The following XYLB variants were observed in gnomAD, a reference collection of about 807,000 sequenced individuals.
The protein encoded by XYLB is xylulose kinase.
In XYLB, 62 loss-of-function variants were observed where a neutral mutation model predicts 78.7. The observed-to-expected ratio is 0.79, with a 90% CI of 0.64 to 0.97. The LOEUF (loss-of-function observed/expected upper bound fraction) is 0.97. Ranked by LOEUF, XYLB falls within the 50% of genes least tolerant of loss-of-function variation. The pLI, the probability that XYLB is intolerant of heterozygous loss-of-function variation, is 0.00. For synonymous variants in XYLB, 245 were observed against 247.4 expected (o/e 0.99, Z 0.09); for missense variants, 687 against 676.8 (o/e 1.02, Z -0.17).
downstream of XYLB, among the ~76,000 whole-genome samples, chr3:38,416,126 A>G (rs1256194645): frequency 6.6e-6 from 1 of 152,248 alleles, no homozygotes; most frequent in Non-Finnish European, 1.5e-5. Context: ...GTGGGGACAG[A>G]AAGCCTAATC....
chr3:38,398,373 C>T (rs1022185291), intron 17 of XYLB, among the ~76,000 whole-genome samples: 1 of 151,636 alleles, frequency 6.6e-6, no homozygotes, highest in African/African-American at 2.4e-5. Context: ...GAGGCTGAGG[C>T]AGGAGAATCG....
chr3:38,360,316 T>A, intron 2 of XYLB, 23 bp from the exon 3 acceptor site: 1 of 1,611,848 alleles, frequency 6.2e-7, no homozygotes, highest in Non-Finnish European at 8.5e-7. Flanking sequence ...GGCTCTGGTC[T>A]ACATTCTCTG....
exon 18 of XYLB, among the ~76,000 whole-genome samples, chr3:38,420,200 T>C (rs1244968665): frequency 6.6e-6 from 1 of 152,236 alleles, no homozygotes; most frequent in Non-Finnish European, 1.5e-5. Context: ...TTTGTATTAG[T>C]AGGATATGTA....
chr3:38,346,864 A>G lies in XYLB; in HGVS notation c.-5A>G, dbSNP rs1211635405. Reference sequence around the variant, plus strand: ...TGACGGACGCGCAGCCTTACCCGAAAGGCCATGGCGGAGCACGCCCCTCGC... The same window carrying G: ...TGACGGACGCGCAGCCTTACCCGAAGGGCCATGGCGGAGCACGCCCCTCGC... On this transcript the variant is annotated 5_prime_UTR_variant, in exon 1 of 19. Transcript: ENST00000207870. 1.3e-5 allele frequency: 20 copies of G among 1,516,798 alleles called. No homozygotes were observed. The highest frequency in any genetic ancestry group is 1.8e-5 in the Non-Finnish European group (20 of 1,134,926). The allele number at this position is 1,516,798 out of a possible 1,614,324, so 94.0% of individuals were successfully genotyped here.
At chr3:38,421,951 A>G (rs1472452588), downstream of XYLB, among the ~76,000 whole-genome samples, 3 of 152,230 alleles carry the variant, frequency 2.0e-5, no homozygotes, top group Non-Finnish European at 4.4e-5. Context: ...GGAATCCAGC[A>G]AGCTAGACAA....
intron 13 of XYLB, 107 bp from the exon 14 acceptor site, chr3:38,376,811 G>C (rs1185527523): frequency 2.7e-6 from 2 of 750,918 alleles, no homozygotes; most frequent in Non-Finnish European, 4.3e-6. Flanking sequence ...GAAAGAGCCA[G>C]GGGACCCAGG....
At chr3:38,401,613 T>C (rs1186752747) in intron 18 of XYLB, among the ~76,000 whole-genome samples, 1 of 152,156 alleles carries the variant, frequency 6.6e-6, no homozygotes, top group African/African-American at 2.4e-5. Flanking sequence ...CTTTAGAGTT[T>C]TACCCAGTTG....
chr3:38,394,736 T>C (rs576579063), intron 15 of XYLB, among the ~76,000 whole-genome samples: 26 of 152,342 alleles, frequency 1.7e-4, no homozygotes, highest in African/African-American at 5.5e-4. Context: ...GTGATTCTGA[T>C]TGAGGATATC....
At chr3:38,398,679 T>TGCC (rs1236664919) in intron 17 of XYLB, among the ~76,000 whole-genome samples, 4 of 151,138 alleles carry the variant, frequency 2.6e-5, no homozygotes, top group East Asian at 3.9e-4. Context: ...CCTGCCTGCC[T>TGCC]TCCTTCCTTC....
chr3:38,396,846 G>A (rs1707889525), intron 16 of XYLB, among the ~76,000 whole-genome samples: 1 of 152,066 alleles, frequency 6.6e-6, no homozygotes, highest in Non-Finnish European at 1.5e-5. Context: ...AAAGTACAGG[G>A]ACAGCCTGGG....
chr3:38,424,509 C>A (rs1709062776), downstream of XYLB, among the ~76,000 whole-genome samples: 1 of 152,154 alleles, frequency 6.6e-6, no homozygotes, highest in Non-Finnish European at 1.5e-5. Context: ...ATTGGATTCT[C>A]CCTAGAATAA....
At chr3:38,440,798 TTCTA>T in the XYLB span, among the ~76,000 whole-genome samples, 2 of 152,174 alleles carry the variant, frequency 1.3e-5, no homozygotes, top group East Asian at 1.9e-4. Flanking sequence ...TCTTTACTAC[TTCTA>T]TCTCTCTCTC....
At chr3:38,425,103 T>C (rs1169732359), downstream of XYLB, among the ~76,000 whole-genome samples, 2 of 152,232 alleles carry the variant, frequency 1.3e-5, no homozygotes, top group Admixed American at 6.5e-5. Flanking sequence ...TAATTCTCTT[T>C]GGCAAATGGA....
At chr3:38,444,395 G>T in the XYLB span, among the ~76,000 whole-genome samples, 3 of 152,308 alleles carry the variant, frequency 2.0e-5, no homozygotes, top group Admixed American at 1.3e-4. Flanking sequence ...TCATTAATAG[G>T]AAGGGGAGCT....
chr3:38,355,953 T>A (rs1248510377), intron 2 of XYLB: 5 of 597,918 alleles, frequency 8.4e-6, no homozygotes, highest in Non-Finnish European at 1.5e-5. Flanking sequence ...TATCCTTTTT[T>A]TAAAGAAAAT....
At chr3:38,374,529 C>T (rs776596225) in intron 11 of XYLB, 27 bp downstream of exon 11, 2 of 1,613,408 alleles carry the variant, frequency 1.2e-6, no homozygotes, top group African/African-American at 1.3e-5. Context: ...CACCCATAGG[C>T]TCTTTCTGTT....
At chr3:38,380,925 C>A (rs1404228065) in intron 15 of XYLB, among the ~76,000 whole-genome samples, 3 of 152,122 alleles carry the variant, frequency 2.0e-5, no homozygotes, top group Non-Finnish European at 2.9e-5. Flanking sequence ...CAAAAGAGGC[C>A]AAACATGGAC....
At chr3:38,434,321 G>A in the XYLB span, among the ~76,000 whole-genome samples, 1 of 152,140 alleles carries the variant, frequency 6.6e-6, no homozygotes, top group African/African-American at 2.4e-5. Flanking sequence ...AAAAACAGCA[G>A]GAGAAAAGCA....
the XYLB span, among the ~76,000 whole-genome samples, chr3:38,437,958 T>A: frequency 6.6e-5 from 10 of 152,258 alleles, no homozygotes; most frequent in East Asian, 1.9e-3. Flanking sequence ...TAGTCCCAGC[T>A]ACTCAGGAGG....
Sources: gnomAD v4.1 joint callset for allele counts (sites outside exome capture counted in the v4.1 genomes callset) on GRCh38, gnomAD v4.1.1 for gene constraint, MANE v1.5 for transcripts, NCBI Gene and HGNC (gene_info 2026-07-23, HGNC 2026-07-21) for gene names.